IQCM: variants seen among roughly 807,000 people sequenced by gnomAD.
The protein encoded by IQCM is IQ motif containing M, also known as IQ domain-containing protein M.
IQCM carries 45 observed loss-of-function variants against 57.6 expected under a neutral mutation model. The ratio of observed to expected loss-of-function variants is 0.78; its 90% CI spans 0.62 to 1.00. The LOEUF (loss-of-function observed/expected upper bound fraction) is 1.00. Among genes scored for constraint, IQCM ranks in the 50% least tolerant of loss-of-function variants. The pLI, the probability that IQCM is intolerant of heterozygous loss-of-function variation, is 0.00. For synonymous variants in IQCM, 148 were observed against 158.9 expected, an observed-to-expected ratio of 0.93 and a Z score of 0.51; for missense variants, 468 against 511.6, an observed-to-expected ratio of 0.91 and a Z score of 0.82.
intron 13 of IQCM, among the ~76,000 whole-genome samples, chr4:149,412,926 G>A (rs186038846): frequency 8.5e-5 from 13 of 152,238 alleles, no homozygotes; most frequent in African/African-American, 2.9e-4. Context: ...GGAGAGTGGT[G>A]GGTGATGGAG....
chr4:149,379,162 T>A (rs1330458037), intron 13 of IQCM, among the ~76,000 whole-genome samples: 1 of 152,164 alleles, frequency 6.6e-6, no homozygotes, highest in Non-Finnish European at 1.5e-5. Context: ...AGGCAGACAT[T>A]TGTTGCAGGA....
chr4:149,774,473 A>C (rs1580264086), intron 2 of IQCM, among the ~76,000 whole-genome samples: 1 of 152,076 alleles, frequency 6.6e-6, no homozygotes, highest in African/African-American at 2.4e-5. Flanking sequence ...ACATATCCCC[A>C]CGTGTGTAGA....
At chr4:149,590,283 A>C (rs2726759) in intron 8 of IQCM, among the ~76,000 whole-genome samples, 29,543 of 88,748 alleles carry the variant, frequency 0.33, 4,044 homozygotes, top group Middle Eastern at 0.41. Flanking sequence ...TTCCTTTTTG[A>C]AAAGTAAATA....
At chr4:149,709,782 T>C (rs959519961) in intron 5 of IQCM, among the ~76,000 whole-genome samples, 1 of 152,138 alleles carries the variant, frequency 6.6e-6, no homozygotes, top group Admixed American at 6.6e-5. Flanking sequence ...ACAGCATGGA[T>C]GCACAAATGC....
chr4:149,756,501 A>C (rs1768979065), intron 2 of IQCM, among the ~76,000 whole-genome samples: 2 of 152,332 alleles, frequency 1.3e-5, no homozygotes, highest in South Asian at 4.1e-4. Context: ...CCAAACATAT[A>C]GATCCTCAAA....
intron 8 of IQCM, among the ~76,000 whole-genome samples, chr4:149,596,774 CA>C (rs998689772): frequency 1.1e-4 from 17 of 152,130 alleles, no homozygotes; most frequent in African/African-American, 4.1e-4. Context: ...GGGCCCCCAC[CA>C]AAAAAGTTTG....
At chr4:149,592,783 T>A (rs914363836) in intron 8 of IQCM, among the ~76,000 whole-genome samples, 2 of 152,126 alleles carry the variant, frequency 1.3e-5, no homozygotes, top group Non-Finnish European at 2.9e-5. Flanking sequence ...GTGGTATTAT[T>A]TCTGAGGGCC....
At chr4:149,754,120 T>C (rs908847543) in intron 2 of IQCM, among the ~76,000 whole-genome samples, 11 of 152,158 alleles carry the variant, frequency 7.2e-5, no homozygotes, top group East Asian at 1.9e-4. Flanking sequence ...AAGAACTTAT[T>C]ACCCAGCTGC....
At chr4:149,587,072 C>T (rs1247298148) in intron 9 of IQCM, among the ~76,000 whole-genome samples, 2 of 151,604 alleles carry the variant, frequency 1.3e-5, no homozygotes, top group African/African-American at 4.8e-5. Flanking sequence ...TATGAAATTT[C>T]CTAATCAACT....
At chr4:149,670,802 C>T (rs1411618098) in intron 7 of IQCM, among the ~76,000 whole-genome samples, 1 of 152,100 alleles carries the variant, frequency 6.6e-6, no homozygotes, top group African/African-American at 2.4e-5. Flanking sequence ...TATGTTGAAC[C>T]AGCCTTGCAT....
At chr4:149,714,492 A>T (rs1450274730) in intron 5 of IQCM, among the ~76,000 whole-genome samples, 2 of 152,142 alleles carry the variant, frequency 1.3e-5, no homozygotes, top group African/African-American at 4.8e-5. Flanking sequence ...CTCCATCTAG[A>T]TATCTAACAA....
chr4:149,581,116 G>A (rs150800431), intron 9 of IQCM, among the ~76,000 whole-genome samples: 1 of 151,588 alleles, frequency 6.6e-6, no homozygotes, highest in Non-Finnish European at 1.5e-5. Context: ...GGGGAGTTCT[G>A]GCAGGGATCA....
chr4:149,661,353 G>A (rs1018167505), intron 7 of IQCM, among the ~76,000 whole-genome samples: 1 of 152,088 alleles, frequency 6.6e-6, no homozygotes, highest in Non-Finnish European at 1.5e-5. Context: ...GTTGGATTTA[G>A]TTTGCTAGTA....
chr4:149,791,068 T>C (rs1772558088), intron 2 of IQCM, among the ~76,000 whole-genome samples: 1 of 152,160 alleles, frequency 6.6e-6, no homozygotes. Context: ...TAATCAGACC[T>C]TCAGTAATTA....
intron 8 of IQCM, among the ~76,000 whole-genome samples, chr4:149,596,300 A>T (rs566493409): frequency 6.6e-6 from 1 of 152,338 alleles, no homozygotes; most frequent in Non-Finnish European, 1.5e-5. Flanking sequence ...ACATAAAAAT[A>T]AAAGATGTTG....
chr4:149,642,718 G>A (rs1040460270), intron 7 of IQCM, among the ~76,000 whole-genome samples: 1 of 152,038 alleles, frequency 6.6e-6, no homozygotes, highest in Non-Finnish European at 1.5e-5. Context: ...AATGACTTTC[G>A]TTTCGCTATG....
chr4:149,488,397 T>C (rs888967861), intron 12 of IQCM, among the ~76,000 whole-genome samples: 2 of 152,222 alleles, frequency 1.3e-5, no homozygotes, highest in Non-Finnish European at 2.9e-5. Context: ...GAAAATACTG[T>C]TCACTTTCCA....
intron 2 of IQCM, among the ~76,000 whole-genome samples, chr4:149,796,896 A>C (rs1773162815): frequency 6.6e-6 from 1 of 152,210 alleles, no homozygotes; most frequent in Non-Finnish European, 1.5e-5. Flanking sequence ...CTTAGATCAC[A>C]ACACCCAAGT....
At chr4:149,747,576 A>T (rs770121189) in intron 2 of IQCM, among the ~76,000 whole-genome samples, 2 of 152,244 alleles carry the variant, frequency 1.3e-5, no homozygotes, top group Admixed American at 1.3e-4. Flanking sequence ...TTGAATCTAC[A>T]TATGTGGAAT....
Sources: gnomAD v4.1 joint callset for allele counts (sites outside exome capture counted in the v4.1 genomes callset) on GRCh38, gnomAD v4.1.1 for gene constraint, MANE v1.5 for transcripts, NCBI Gene and HGNC (gene_info 2026-07-23, HGNC 2026-07-21) for gene names.